AAGAB: variants seen among roughly 807,000 people sequenced by gnomAD.
The protein encoded by AAGAB is alpha and gamma adaptin binding protein.
A neutral mutation model predicts 44.1 loss-of-function variants in AAGAB; 38 were observed. That is an observed-to-expected ratio of 0.86 (90% CI 0.67 to 1.13). AAGAB has a LOEUF of 1.13. Among genes scored for constraint, AAGAB ranks in the 50% most tolerant of loss-of-function variants. AAGAB has a pLI of 0.00. For synonymous variants in AAGAB, 131 were observed against 131.8 expected (o/e 0.99, Z 0.04); for missense variants, 450 against 373.8 (o/e 1.20, Z -1.68).
rs200248264 is a variant in AAGAB at position 67,208,581 on chromosome 15, G to A, written c.696C>T (p.Ala232=). The change falls in exon 7 of 10, where the codon GCC becomes GCT. Residue 232 remains alanine, a synonymous_variant. Transcript: ENST00000261880. The part of the protein sequence containing the change: ...HRGGASNTTD[A]QVDSIVDPML... ...ACTTACCCACAATGCTATCAACCTG[G>A]GCATCTGTTGTGTTAGATGCACCAC... 698 of 1,613,816 alleles carry A rather than the reference G, an allele frequency of 4.3e-4. No homozygotes were observed. The highest frequency in any genetic ancestry group is 5.7e-4 in the Non-Finnish European group (672 of 1,179,874).
chr15:67,251,781 C>T (rs191719299), intron 1 of AAGAB, among the ~76,000 whole-genome samples: 1 of 152,278 alleles, frequency 6.6e-6, no homozygotes, highest in East Asian at 1.9e-4. Context: ...AAATATTATG[C>T]GGGCTCCATC....
At chr15:67,222,282 A>ACACACACACACACACACACACCCC (rs796412643) in intron 5 of AAGAB, among the ~76,000 whole-genome samples, 8 of 139,924 alleles carry the variant, frequency 5.7e-5, no homozygotes, top group East Asian at 4.6e-4. Flanking sequence ...ACACACACAC[A>ACACACACACACACACACACACCCC]CCCTCCACCC....
At position 67,222,242 on chromosome 15, in the gene AAGAB, G is replaced by GCGCGCGCACA. The variant is rs1367738219; in HGVS notation, c.535+9571_535+9572insTGTGCGCGCG. On this transcript the variant is annotated intron_variant, in intron 5 of 9. Transcript: ENST00000261880. Reference sequence around the variant, plus strand: ...TGCATGCACGCGCACGCGCGCGCGCGCACACACACACACACACACACACAC... The same window carrying GCGCGCGCACA: ...TGCATGCACGCGCACGCGCGCGCGCGCGCGCGCACACACACACACACACACACACACACAC... 1.8e-3 allele frequency among the ~76,000 whole-genome samples: 161 copies of GCGCGCGCACA among 90,122 alleles called. 1 individual carries two copies. Among genetic ancestry groups the GCGCGCGCACA allele is most frequent in the African/African-American group, 5.4e-3 (145 of 26,660 alleles). The allele number at this position is 90,122 out of a possible 152,430, so 59.1% of individuals were successfully genotyped here. A position where few individuals can be genotyped will look rare whatever the true frequency, so the allele number is the denominator to read the frequency against.
At chr15:67,247,979 T>C (rs1031871923) in intron 1 of AAGAB, among the ~76,000 whole-genome samples, 3 of 152,220 alleles carry the variant, frequency 2.0e-5, no homozygotes, top group Non-Finnish European at 4.4e-5. Flanking sequence ...AGAACTGGAA[T>C]TGAATCTTAG....
intron 5 of AAGAB, among the ~76,000 whole-genome samples, chr15:67,216,416 T>C (rs2140354584): frequency 8.8e-6 from 1 of 113,202 alleles, no homozygotes; most frequent in African/African-American, 3.4e-5. Flanking sequence ...TACTCCAGCC[T>C]GGGTGACAGA....
chr15:67,212,664 GA>G (rs1366528846), intron 5 of AAGAB, among the ~76,000 whole-genome samples: 1 of 152,132 alleles, frequency 6.6e-6, no homozygotes, highest in African/African-American at 2.4e-5. Context: ...AAGGAACTTA[GA>G]AACATACAAA....
intron 1 of AAGAB, among the ~76,000 whole-genome samples, chr15:67,242,400 G>A (rs1398155809): frequency 2.3e-5 from 3 of 128,104 alleles, no homozygotes; most frequent in Admixed American, 9.0e-5. Context: ...TCCGCAGTCC[G>A]GCCTGGGCGA....
At chr15:67,250,937 G>A (rs1401101128) in intron 1 of AAGAB, among the ~76,000 whole-genome samples, 1 of 152,240 alleles carries the variant, frequency 6.6e-6, no homozygotes, top group Non-Finnish European at 1.5e-5. Flanking sequence ...TGAGGCAGGA[G>A]AATGGCGCGA....
At chr15:67,207,992 T>C (rs4776905) in intron 7 of AAGAB, among the ~76,000 whole-genome samples, 31,821 of 152,174 alleles carry the variant, frequency 0.21, 4,068 homozygotes, top group East Asian at 0.47. Flanking sequence ...GGAATATCAG[T>C]AGTTCCCCAG....
At chr15:67,219,031 C>A (rs1197261727) in intron 5 of AAGAB, among the ~76,000 whole-genome samples, 1 of 152,160 alleles carries the variant, frequency 6.6e-6, no homozygotes, top group South Asian at 2.1e-4. Context: ...TAATGCATAG[C>A]GGAAACTGTG....
intron 7 of AAGAB, among the ~76,000 whole-genome samples, chr15:67,206,294 A>G (rs1439106215): frequency 6.6e-6 from 1 of 152,230 alleles, no homozygotes; most frequent in African/African-American, 2.4e-5. Flanking sequence ...TATTATGTCA[A>G]TATGTCTTAT....
intron 4 of AAGAB, among the ~76,000 whole-genome samples, chr15:67,235,048 A>C (rs1440911783): frequency 6.6e-6 from 1 of 152,218 alleles, no homozygotes; most frequent in African/African-American, 2.4e-5. Flanking sequence ...TTATCTATGT[A>C]CTTTAATTCA....
At chr15:67,250,459 G>C (rs1037198194) in intron 1 of AAGAB, among the ~76,000 whole-genome samples, 11 of 152,164 alleles carry the variant, frequency 7.2e-5, no homozygotes, top group Non-Finnish European at 1.6e-4. Context: ...TTACAGGCGT[G>C]AGCCACCATG....
chr15:67,241,037 T>C (rs1244038989), intron 1 of AAGAB, among the ~76,000 whole-genome samples: 3 of 34,396 alleles, frequency 8.7e-5, no homozygotes, highest in Non-Finnish European at 1.9e-4. Context: ...ATATCTGTTC[T>C]CCTACACACA....
upstream of AAGAB, chr15:67,255,018 A>G (rs923304539): frequency 2.1e-6 from 3 of 1,441,554 alleles, no homozygotes; most frequent in Non-Finnish European, 2.9e-6. Flanking sequence ...CCGCGCGCCG[A>G]TTCACCGACG....
chr15:67,251,462 C>T (rs1373146454), intron 1 of AAGAB, among the ~76,000 whole-genome samples: 1 of 152,094 alleles, frequency 6.6e-6, no homozygotes, highest in Non-Finnish European at 1.5e-5. Context: ...CCCTATGTTG[C>T]CCAGGCTGGT....
At chr15:67,227,822 T>A (rs1964240046) in intron 5 of AAGAB, among the ~76,000 whole-genome samples, 2 of 152,320 alleles carry the variant, frequency 1.3e-5, no homozygotes, top group Non-Finnish European at 2.9e-5. Context: ...CTGGGTTGCA[T>A]CAAAATGTCA....
At chr15:67,245,419 G>A (rs1250702236) in intron 1 of AAGAB, among the ~76,000 whole-genome samples, 2 of 152,178 alleles carry the variant, frequency 1.3e-5, no homozygotes, top group Non-Finnish European at 2.9e-5. Context: ...TATAAAATGT[G>A]TAGAAAAGGC....
Position 67,228,789 on chromosome 15 carries a change from T to A in AAGAB, c.535+3025A>T, listed in dbSNP as rs78197733. Among the ~76,000 whole-genome samples, 571 of 152,216 alleles carry A rather than the reference T, an allele frequency of 3.8e-3. 1 individual carries two copies. The highest frequency in any genetic ancestry group is 0.013 in the African/African-American group (545 of 41,508). On this transcript the variant is annotated intron_variant, in intron 5 of 9. Coordinates refer to ENST00000261880, the MANE Select transcript of AAGAB (RefSeq NM_024666.5). The stretch of plus-strand genomic sequence containing the variant: ...TACACATACACCACGGAATACTACA[T>A]AGGCATAAAAACGAACAAAGTCATC...
Sources: gnomAD v4.1 joint callset for allele counts (sites outside exome capture counted in the v4.1 genomes callset) on GRCh38, gnomAD v4.1.1 for gene constraint, MANE v1.5 for transcripts, NCBI Gene and HGNC (gene_info 2026-07-23, HGNC 2026-07-21) for gene names.